LTBP1: variants seen among roughly 807,000 people sequenced by gnomAD.
LTBP1 encodes latent-transforming growth factor beta-binding protein 1.
In LTBP1, 129 loss-of-function variants were observed where a neutral mutation model predicts 207.6. The ratio of observed to expected loss-of-function variants is 0.62; its 90% CI spans 0.54 to 0.72. The LOEUF is 0.72. Among genes scored for constraint, LTBP1 ranks in the 30% least tolerant of loss-of-function variants. LTBP1 has a pLI of 0.00. For synonymous variants in LTBP1, 963 were observed against 833.7 expected (o/e 1.16, Z -2.67); for missense variants, 2,281 against 2,217.2 (o/e 1.03, Z -0.58).
chr2:33,115,105 TACACACACACACACATATATATAC>T lies in LTBP1; in HGVS notation c.1033+4368_1033+4391del, dbSNP rs1330400440. Among the ~76,000 whole-genome samples, 24 of 144,006 alleles carry T rather than the reference TACACACACACACACATATATATAC, an allele frequency of 1.7e-4. 1 individual carries two copies. The highest frequency in any genetic ancestry group is 1.6e-3 in the Admixed American group (23 of 14,252). The allele number at this position is 144,006 out of a possible 152,430, so 94.5% of individuals were successfully genotyped here. On this transcript the variant is annotated intron_variant, in intron 4 of 33. Transcript: ENST00000404816. Reference sequence around the variant, plus strand: ...ACAAATATATATACACACATATATGTACACACACACACACATATATATACACACACACACACAATGTAGGAGTAT... The same window carrying T: ...ACAAATATATATACACACATATATGTACACACACACACAATGTAGGAGTAT...
intron 32 of LTBP1, among the ~76,000 whole-genome samples, chr2:33,391,027 T>C (rs2095310384): frequency 1.3e-5 from 2 of 151,996 alleles, no homozygotes; most frequent in South Asian, 4.2e-4. Context: ...CTCTTTTCCC[T>C]TTCTCTCCCT....
chr2:33,357,169 A>G (rs2094873097), intron 26 of LTBP1, among the ~76,000 whole-genome samples: 1 of 152,212 alleles, frequency 6.6e-6, no homozygotes, highest in Non-Finnish European at 1.5e-5. Context: ...AAAGATGGAA[A>G]CGGCCCTACA....
intron 26 of LTBP1, among the ~76,000 whole-genome samples, chr2:33,351,756 G>A (rs564803009): frequency 3.9e-5 from 6 of 152,292 alleles, no homozygotes; most frequent in Admixed American, 2.6e-4. Flanking sequence ...TCTTTGCCCT[G>A]TGATTGATTT....
At chr2:33,144,575 A>G (rs2082872895) in intron 5 of LTBP1, among the ~76,000 whole-genome samples, 2 of 152,224 alleles carry the variant, frequency 1.3e-5, no homozygotes, top group South Asian at 2.1e-4. Flanking sequence ...GTGATGTATG[A>G]TTATAACATT....
chr2:33,006,855 G>T (rs562936056), intron 2 of LTBP1, among the ~76,000 whole-genome samples: 2 of 152,190 alleles, frequency 1.3e-5, no homozygotes, highest in South Asian at 4.2e-4. Context: ...CTAGTAGCCA[G>T]ATGCATCGTG....
At chr2:33,302,694 C>G (rs1166731039) in intron 22 of LTBP1, among the ~76,000 whole-genome samples, 1 of 152,050 alleles carries the variant, frequency 6.6e-6, no homozygotes, top group Non-Finnish European at 1.5e-5. Flanking sequence ...ATCAGTAAAT[C>G]AACTTCTAAG....
At chr2:33,158,161 AAAAAG>A (rs1206386386) in intron 5 of LTBP1, among the ~76,000 whole-genome samples, 3 of 141,066 alleles carry the variant, frequency 2.1e-5, no homozygotes, top group Admixed American at 1.4e-4. Flanking sequence ...AAAAAAAAAA[AAAAAG>A]AGAGAGAGAG....
chr2:33,346,157 T>C (rs2094698119), intron 25 of LTBP1, among the ~76,000 whole-genome samples: 1 of 152,212 alleles, frequency 6.6e-6, no homozygotes, highest in Admixed American at 6.5e-5. Flanking sequence ...CAGTGATTAG[T>C]TATTGGACCA....
At chr2:33,028,360 C>T (rs115429947) in intron 3 of LTBP1, among the ~76,000 whole-genome samples, 1 of 152,116 alleles carries the variant, frequency 6.6e-6, no homozygotes, top group Admixed American at 6.5e-5. Context: ...AGTGTTGTCT[C>T]ATTTAATCTC....
At chr2:33,361,830 GTAGA>G (rs1425018343) in intron 28 of LTBP1, among the ~76,000 whole-genome samples, 1 of 152,118 alleles carries the variant, frequency 6.6e-6, no homozygotes, top group Non-Finnish European at 1.5e-5. Context: ...TCTGTACCTA[GTAGA>G]TACTTACTAA....
At chr2:33,080,397 T>C (rs1343537885) in intron 3 of LTBP1, among the ~76,000 whole-genome samples, 3 of 152,224 alleles carry the variant, frequency 2.0e-5, no homozygotes, top group South Asian at 4.1e-4. Flanking sequence ...CCTGGAGTCC[T>C]GCTTAAATCT....
At chr2:32,954,716 A>G (rs2148311292) in intron 2 of LTBP1, among the ~76,000 whole-genome samples, 1 of 151,928 alleles carries the variant, frequency 6.6e-6, no homozygotes, top group East Asian at 1.9e-4. Context: ...GATGCCTTGC[A>G]CATAGGTTGG....
chr2:33,005,408 A>G (rs187486150), intron 2 of LTBP1, among the ~76,000 whole-genome samples: 1 of 152,090 alleles, frequency 6.6e-6, no homozygotes, highest in African/African-American at 2.4e-5. Context: ...TTCCAGGTGC[A>G]CCTTTCCACA....
chr2:33,191,188 A>G (rs752748915), intron 7 of LTBP1, among the ~76,000 whole-genome samples: 4 of 152,262 alleles, frequency 2.6e-5, no homozygotes, highest in Non-Finnish European at 5.9e-5. Context: ...AAAATGAGGC[A>G]TAACAAACTT....
At chr2:33,172,615 G>C (rs1485816870) in intron 5 of LTBP1, among the ~76,000 whole-genome samples, 1 of 152,072 alleles carries the variant, frequency 6.6e-6, no homozygotes, top group Non-Finnish European at 1.5e-5. Context: ...AGTTAACAAG[G>C]ATACCCAGGA....
chr2:33,366,202 T>A (rs529107944), intron 31 of LTBP1, among the ~76,000 whole-genome samples: 6 of 152,216 alleles, frequency 3.9e-5, no homozygotes, highest in African/African-American at 1.2e-4. Flanking sequence ...TTCCCTTTTT[T>A]ACCATCATAG....
intron 2 of LTBP1, among the ~76,000 whole-genome samples, chr2:32,951,553 G>A (rs1677110914): frequency 6.6e-6 from 1 of 152,106 alleles, no homozygotes; most frequent in African/African-American, 2.4e-5. Flanking sequence ...AAAGACCCCC[G>A]GCTTTGGGGT....
In LTBP1 at chr2:33,148,808, A is replaced by T. The variant is rs187524925; in HGVS notation, c.1201+13848A>T. On this transcript the variant is annotated intron_variant, in intron 5 of 33. Transcript: ENST00000404816. Reference sequence around the variant, plus strand: ...TGGGGCAGTTTTGCACCCCCACCTAAGAGACACATTTGGCAATGCCGGCAA... The same window carrying T: ...TGGGGCAGTTTTGCACCCCCACCTATGAGACACATTTGGCAATGCCGGCAA... 5.3e-5 allele frequency among the ~76,000 whole-genome samples: 8 copies of T among 152,344 alleles called. No individual in the cohort carries two copies. In the East Asian group the frequency reaches 1.2e-3, roughly 22 times the overall value.
intron 19 of LTBP1, among the ~76,000 whole-genome samples, chr2:33,285,182 C>G (rs1032653406): frequency 6.6e-6 from 1 of 151,202 alleles, no homozygotes; most frequent in Admixed American, 6.6e-5. Context: ...GCTGGGATTA[C>G]AGGTGCCCGC....
Sources: gnomAD v4.1 joint callset for allele counts (sites outside exome capture counted in the v4.1 genomes callset) on GRCh38, gnomAD v4.1.1 for gene constraint, MANE v1.5 for transcripts, NCBI Gene and HGNC (gene_info 2026-07-23, HGNC 2026-07-21) for gene names.